Variants in DGKB observed in about 807,000 individuals in gnomAD.
DGKB encodes diacylglycerol kinase beta, also known as 90 kDa diacylglycerol kinase.
In DGKB, 67 loss-of-function variants were observed where a neutral mutation model predicts 114.3. That is an observed-to-expected ratio of 0.59 (90% CI 0.48 to 0.72). The LOEUF (loss-of-function observed/expected upper bound fraction) is 0.72. Ranked by LOEUF, DGKB falls within the 30% of genes least tolerant of loss-of-function variation. The probability of loss-of-function intolerance (pLI) is 0.00; values close to 1 mark genes in which losing one functional copy is unlikely to be tolerated. For missense variants in DGKB, 907 were observed against 975.2 expected (o/e 0.93, Z 0.93); for synonymous variants, 398 against 323.1 (o/e 1.23, Z -2.49).
At chr7:14,651,864 CAGAG>C (rs1221457089) in intron 13 of DGKB, among the ~76,000 whole-genome samples, 2 of 130,344 alleles carry the variant, frequency 1.5e-5, no homozygotes, top group East Asian at 2.2e-4. Flanking sequence ...AACAGACAAA[CAGAG>C]AGCCAAATCA....
intron 5 of DGKB, 107 bp downstream of exon 5, chr7:14,735,934 A>T: frequency 2.8e-6 from 2 of 719,864 alleles, no homozygotes; most frequent in Non-Finnish European, 4.2e-6. Context: ...TAAACCCTGT[A>T]ACAAAACAAT....
chr7:14,895,549 T>C (rs749675225), intron 1 of DGKB, among the ~76,000 whole-genome samples: 51 of 151,618 alleles, frequency 3.4e-4, no homozygotes, highest in Admixed American at 7.9e-4. Flanking sequence ...CAGCAAATCA[T>C]GGACTTGTTT....
intron 21 of DGKB, among the ~76,000 whole-genome samples, chr7:14,385,403 A>G (rs1820161911): frequency 6.6e-6 from 1 of 152,212 alleles, no homozygotes; most frequent in Non-Finnish European, 1.5e-5. Context: ...GACTAGGTCC[A>G]GGGAAGATGT....
At chr7:14,288,073 T>C (rs1801156947) in intron 23 of DGKB, among the ~76,000 whole-genome samples, 1 of 152,078 alleles carries the variant, frequency 6.6e-6, no homozygotes, top group Admixed American at 6.6e-5. Flanking sequence ...GGTTCTTATA[T>C]TGTTAAAATT....
intron 25 of DGKB, among the ~76,000 whole-genome samples, chr7:14,171,137 G>T (rs1273636035): frequency 1.3e-5 from 2 of 152,108 alleles, no homozygotes; most frequent in African/African-American, 2.4e-5. Context: ...AGCTAAGACT[G>T]GGCAAACAGG....
chr7:14,788,993 A>C (rs1378297450), intron 2 of DGKB, among the ~76,000 whole-genome samples: 1 of 152,144 alleles, frequency 6.6e-6, no homozygotes, highest in African/African-American at 2.4e-5. Context: ...TGCCGAAGGA[A>C]AACAGTGGAG....
rs1341330136 is a variant in DGKB, at chr7:14,511,743, G to T, written c.1771-33518C>A. ...AATCATTTTTAGCTTTTGATAGAAA[G>T]TGACAGATATGCAACTCTTCCTTTC... On this transcript the variant is annotated intron_variant, in intron 20 of 25. Transcript: ENST00000402815. Among the ~76,000 whole-genome samples the T allele has an allele frequency of 2.6e-5, 4 of 152,172 alleles. No homozygotes were observed. The South Asian group carries it at 6.2e-4, about 24-fold the overall frequency.
chr7:14,916,749 G>A (rs139927777), intron 1 of DGKB, among the ~76,000 whole-genome samples: 3 of 152,158 alleles, frequency 2.0e-5, no homozygotes, highest in African/African-American at 7.2e-5. Flanking sequence ...CAGAAAATCT[G>A]TAAGGATACA....
intron 25 of DGKB, among the ~76,000 whole-genome samples, chr7:14,174,322 A>C (rs1265952610): frequency 1.3e-5 from 2 of 152,232 alleles, no homozygotes; most frequent in African/African-American, 2.4e-5. Context: ...TATTTCCTTC[A>C]TAAAATAAGG....
chr7:14,208,898 T>TC (rs1324752047), intron 23 of DGKB, among the ~76,000 whole-genome samples: 1 of 150,186 alleles, frequency 6.7e-6, no homozygotes, highest in Non-Finnish European at 1.5e-5. Context: ...TTTTTTTTTT[T>TC]CATTTATCCT....
chr7:14,647,195 A>G (rs948360672), intron 13 of DGKB, among the ~76,000 whole-genome samples: 1 of 152,268 alleles, frequency 6.6e-6, no homozygotes, highest in East Asian at 1.9e-4. Context: ...ACACTACCAC[A>G]CTGGGTAATC....
At chr7:14,424,845 G>C (rs1280006079) in intron 21 of DGKB, among the ~76,000 whole-genome samples, 1 of 152,038 alleles carries the variant, frequency 6.6e-6, no homozygotes, top group Non-Finnish European at 1.5e-5. Context: ...GATCAAATCT[G>C]ATGTTTACTC....
chr7:14,566,396 A>G (rs1359805878), intron 20 of DGKB, among the ~76,000 whole-genome samples: 1 of 152,188 alleles, frequency 6.6e-6, no homozygotes, highest in Non-Finnish European at 1.5e-5. Flanking sequence ...ATTCAAAAAT[A>G]AGACATTGGC....
intron 1 of DGKB, among the ~76,000 whole-genome samples, chr7:14,930,839 G>T (rs1784979275): frequency 6.6e-6 from 1 of 152,016 alleles, no homozygotes; most frequent in Non-Finnish European, 1.5e-5. Flanking sequence ...GTTGGTTGTG[G>T]GTTTGTTGTA....
At chr7:14,574,674 A>G (rs1051980945) in intron 19 of DGKB, among the ~76,000 whole-genome samples, 10 of 152,298 alleles carry the variant, frequency 6.6e-5, no homozygotes, top group Admixed American at 3.9e-4. Context: ...AATAGATTCA[A>G]AACTGAATGA....
At chr7:14,239,820 A>G (rs1562710180) in intron 23 of DGKB, among the ~76,000 whole-genome samples, 1 of 152,034 alleles carries the variant, frequency 6.6e-6, no homozygotes, top group Non-Finnish European at 1.5e-5. Flanking sequence ...GTGATTTTAA[A>G]TCATTATTGT....
intron 5 of DGKB, among the ~76,000 whole-genome samples, chr7:14,720,191 T>C (rs1247031389): frequency 6.6e-6 from 1 of 152,192 alleles, no homozygotes; most frequent in Non-Finnish European, 1.5e-5. Flanking sequence ...TCTATCCTAT[T>C]CTGAAAATTT....
intron 23 of DGKB, among the ~76,000 whole-genome samples, chr7:14,195,053 T>A (rs1784829283): frequency 6.6e-6 from 1 of 152,102 alleles, no homozygotes; most frequent in African/African-American, 2.4e-5. Context: ...AGCAATCCAT[T>A]GCTGCCACTA....
chr7:14,432,598 C>T (rs1828630019), intron 21 of DGKB, among the ~76,000 whole-genome samples: 1 of 152,158 alleles, frequency 6.6e-6, no homozygotes, highest in Non-Finnish European at 1.5e-5. Context: ...ATTGTATCCA[C>T]AAGGTTTTCT....
Sources: allele counts gnomAD v4.1 joint callset (sites outside exome capture counted in the v4.1 genomes callset), GRCh38; gene constraint gnomAD v4.1.1; transcripts MANE v1.5; gene names NCBI Gene and HGNC (gene_info 2026-07-23, HGNC 2026-07-21).